Variants in DACT3 observed in about 807,000 individuals in gnomAD.
DACT3 encodes dapper homolog 3.
Under a neutral mutation model 19.6 loss-of-function variants are expected in DACT3, and 5 were observed. The observed-to-expected ratio is 0.26, with a 90% CI of 0.13 to 0.54. DACT3 has a LOEUF of 0.54. DACT3 is among the 20% of genes least tolerant of loss of function. The pLI is 0.95. For synonymous variants in DACT3, 454 were observed against 428.1 expected, an observed-to-expected ratio of 1.06 and a Z score of -0.75; for missense variants, 908 against 927.4, an observed-to-expected ratio of 0.98 and a Z score of 0.27.
rs1245826339 is a variant in DACT3, at chr19:46,648,503, G to A, written c.1869C>T (p.Leu623=). 6.2e-7 allele frequency: 1 copy of A among 1,614,024 alleles called. No homozygotes were observed. Among genetic ancestry groups the A allele is most frequent in the Non-Finnish European group, 8.5e-7 (1 of 1,179,878 alleles). The change falls in exon 4 of 4, where the codon CTC becomes CTT. Residue 623 remains leucine (L), a synonymous_variant. Coordinates refer to ENST00000391916, the MANE Select transcript of DACT3 (RefSeq NM_145056.3). The surrounding 1 kb of genome is among the most constrained non-coding windows in gnomAD (Gnocchi z 5.1). ...AAACTCACACTGTAGTCATGACCTT[G>A]AGAGAACCCGAACGGAAACGCAGTA... ...KKILRFRSGS[L]KVMTTV is the part of the protein sequence containing the mutation.
At position 46,660,903 on chromosome 19, in the gene DACT3, G is replaced by A; in HGVS notation, c.162C>T (p.Gly54=). The A allele has an allele frequency of 6.5e-7, 1 of 1,536,810 alleles. No individual in the cohort carries two copies. The highest frequency in any genetic ancestry group is 2.0e-5 in the Admixed American group (1 of 50,710). The change falls in exon 1 of 4, where the codon GGC becomes GGT. Residue 54 remains glycine, a synonymous_variant. Coordinates refer to ENST00000391916, the MANE Select transcript of DACT3 (RefSeq NM_145056.3). The surrounding 1 kb of genome is among the most constrained non-coding windows in gnomAD (Gnocchi z 4.9). ...CGTCCTCCTCGTCCTCGGCCTCGGC[G>A]CCCCCCATTCCGGGCTGGGCCAGCC... ...ALRLAQPGMG[G]AEAEDEEDAD...
At chr19:46,656,042 T>G (rs1418743550) in intron 1 of DACT3, among the ~76,000 whole-genome samples, 1 of 123,674 alleles carries the variant, frequency 8.1e-6, no homozygotes, top group East Asian at 2.7e-4. Flanking sequence ...ATATATGAAA[T>G]TTATTTATTT....
Position 46,660,543 on chromosome 19 carries a change from A to C in DACT3, c.249+273T>G. 1 of 473,806 alleles carries C rather than the reference A, an allele frequency of 2.1e-6. No homozygotes were observed. Among genetic ancestry groups the C allele is most frequent in the East Asian group, 4.0e-5 (1 of 25,296 alleles). 29.4% of individuals were successfully genotyped at this position (473,806 alleles called of 1,614,324 possible). ...GGTTTGACACATACTTGGCGCCCAC[A>C]AGGATTTTCTTTGGGGAAGGGGTGT... On this transcript the variant is annotated intron_variant, in intron 1 of 3. Transcript: ENST00000391916. This position sits in a 1 kb window ranked among gnomAD's most constrained non-coding sequence, Gnocchi z 4.9.
chr19:46,654,760 G>A (rs1019660523), intron 1 of DACT3: 1 of 985,340 alleles, frequency 1.0e-6, no homozygotes, highest in Non-Finnish European at 1.2e-6. Context: ...GGTTTGGGAG[G>A]GCAGGCACCC....
At position 46,649,786 on chromosome 19, in the gene DACT3, C is replaced by T. The variant is rs989901359; in HGVS notation, c.586G>A (p.Gly196Arg). The change falls in exon 4 of 4, where the codon GGG becomes AGG. Residue 196 changes from glycine (G) to arginine (R), a missense_variant. Physicochemically the swap from Gly to Arg is moderately radical, Grantham distance 125 (BLOSUM62 -2). Around this residue, in one of 2 missense-constraint regions of DACT3, gnomAD observed 252 missense variants for 325.6 expected, o/e 0.77. Coordinates refer to ENST00000391916, the MANE Select transcript of DACT3 (RefSeq NM_145056.3). The stretch of plus-strand genomic sequence containing the variant: ...GAGCAGGCCTCCGGGCCGGCGGACC[C>T]CCCTGCCGTCGGGTAGGGCGCTGAG... The part of the protein sequence containing the change: ...SFSAPYPTAG[G>R]SAGPEACSSA... 1 of 1,353,228 alleles carries T rather than the reference C, an allele frequency of 7.4e-7. No individual in the cohort carries two copies. Among genetic ancestry groups the T allele is most frequent in the Non-Finnish European group, 9.5e-7 (1 of 1,057,304 alleles). 83.8% of individuals were successfully genotyped at this position (1,353,228 alleles called of 1,614,324 possible).
At chr19:46,654,121 C>T in intron 1 of DACT3, 1 of 985,398 alleles carries the variant, frequency 1.0e-6, no homozygotes, top group Non-Finnish European at 1.2e-6. Context: ...AGACCACATC[C>T]TCCTTCTGCC....
rs1351383689 is a variant in DACT3, at chr19:46,660,855, C to A, written c.210G>T (p.Ala70=). The change falls in exon 1 of 4, where the codon GCG becomes GCT. Residue 70 remains alanine (A), a synonymous_variant. Transcript: ENST00000391916. This position sits in a 1 kb window ranked among gnomAD's most constrained non-coding sequence, Gnocchi z 4.9. ...GGGCCGCTGCGGCCCGGCGCGCCGC[C>A]GCCGCATCTTCATCCTCATCGGCGT... The part of the protein sequence containing the change: ...EEDADEDEDA[A]AARRAAAALE... 5 of 1,523,518 alleles carry A rather than the reference C, an allele frequency of 3.3e-6. No individual in the cohort carries two copies. Among genetic ancestry groups the A allele is most frequent in the Non-Finnish European group, 4.4e-6 (5 of 1,140,948 alleles). The allele number at this position is 1,523,518 out of a possible 1,614,324, so 94.4% of individuals were successfully genotyped here. A position where few individuals can be genotyped will look rare whatever the true frequency, so the allele number is the denominator to read the frequency against.
intron 1 of DACT3, among the ~76,000 whole-genome samples, chr19:46,659,749 T>C (rs945544046): frequency 6.6e-6 from 1 of 151,308 alleles, no homozygotes; most frequent in Admixed American, 6.6e-5. Flanking sequence ...CGGGAAGCTC[T>C]GGCCACACAC....
intron 1 of DACT3, among the ~76,000 whole-genome samples, chr19:46,657,394 C>T (rs954341914): frequency 1.4e-5 from 2 of 145,240 alleles, no homozygotes. Flanking sequence ...TGCTCTGTCG[C>T]CCAGGCTGGA....
chr19:46,660,727 C>G lies in DACT3; in HGVS notation c.249+89G>C. The G allele has an allele frequency of 7.1e-7, 1 of 1,398,820 alleles. No homozygotes were observed. Among genetic ancestry groups the G allele is most frequent in the Non-Finnish European group, 9.2e-7 (1 of 1,081,360 alleles). 86.7% of individuals were successfully genotyped at this position (1,398,820 alleles called of 1,614,324 possible). A position where few individuals can be genotyped will look rare whatever the true frequency, so the allele number is the denominator to read the frequency against. On this transcript the variant is annotated intron_variant, in intron 1 of 3. Coordinates refer to ENST00000391916, the MANE Select transcript of DACT3 (RefSeq NM_145056.3). This position sits in a 1 kb window ranked among gnomAD's most constrained non-coding sequence, Gnocchi z 4.9. ...TTTCTCACTCCCTGCCTACCCGGGTCCCCAACCCCCGCCCGGTGTCTGAGC... is the reference window on the plus strand; with the variant it reads ...TTTCTCACTCCCTGCCTACCCGGGTGCCCAACCCCCGCCCGGTGTCTGAGC...
intron 1 of DACT3, among the ~76,000 whole-genome samples, chr19:46,655,901 GTCTCTC>G (rs140521907): frequency 3.0e-5 from 4 of 131,852 alleles, no homozygotes; most frequent in South Asian, 2.6e-4. Context: ...GTGAGACCCA[GTCTCTC>G]TCTCTCTCTC....
In DACT3 at chr19:46,661,132, C is replaced by A; in HGVS notation, c.-68G>T. On this transcript the variant is annotated 5_prime_UTR_variant, in exon 1 of 4. Transcript: ENST00000391916. ...CCCCTCTCCCGGTCCCACCTCCCCG[C>A]CCCAGCAGCCTGCCCGCCCGCCCGC... is the stretch of plus-strand genomic sequence containing the variant. 7.6e-7 allele frequency: 1 copy of A among 1,320,464 alleles called. No homozygotes were observed. The highest frequency in any genetic ancestry group is 9.7e-7 in the Non-Finnish European group (1 of 1,034,450). 81.8% of individuals were successfully genotyped at this position (1,320,464 alleles called of 1,614,324 possible).
In DACT3 at chr19:46,660,844, C is replaced by T; in HGVS notation, c.221G>A (p.Arg74Gln). Residue 74 changes from arginine to glutamine, a missense_variant, in exon 1 of 4, where the codon CGG becomes CAG. Arg to Gln is a conservative substitution (Grantham distance 43). Around this residue, in one of 2 missense-constraint regions of DACT3, gnomAD observed 252 missense variants for 325.6 expected, o/e 0.77. Transcript: ENST00000391916. The surrounding 1 kb of genome is among the most constrained non-coding windows in gnomAD (Gnocchi z 4.9). ...CTGCTCCTCCAGGGCCGCTGCGGCC[C>T]GGCGCGCCGCCGCCGCATCTTCATC... ...DEDEDAAAAR[R>Q]AAAALEEQLE... 3.3e-6 allele frequency: 5 copies of T among 1,518,934 alleles called. No individual in the cohort carries two copies. The highest frequency in any genetic ancestry group is 4.4e-6 in the Non-Finnish European group (5 of 1,139,176). 94.1% of individuals were successfully genotyped at this position (1,518,934 alleles called of 1,614,324 possible).
chr19:46,648,818 C>T lies in DACT3; in HGVS notation c.1554G>A (p.Ala518=), dbSNP rs1337317303. 9.8e-6 allele frequency: 15 copies of T among 1,523,626 alleles called. No homozygotes were observed. The Admixed American group carries it at 1.5e-4, about 15-fold the overall frequency. The allele number at this position is 1,523,626 out of a possible 1,614,324, so 94.4% of individuals were successfully genotyped here. A position where few individuals can be genotyped will look rare whatever the true frequency, so the allele number is the denominator to read the frequency against. ...CAGCCGAGCACTCGGAGTCGCTGCC[C>T]GCGCAGCCGTAAAGCAGACGACGCT... is the stretch of plus-strand genomic sequence containing the variant. ...APQRRLLYGC[A]GSDSECSAGR... The change falls in exon 4 of 4, where the codon GCG becomes GCA. Residue 518 remains alanine, a synonymous_variant. Coordinates refer to ENST00000391916, the MANE Select transcript of DACT3 (RefSeq NM_145056.3). The surrounding 1 kb of genome is among the most constrained non-coding windows in gnomAD (Gnocchi z 5.1).
chr19:46,650,127 A>ATTTTTTTTTTTTTTTTTTTTTTT (rs58142251), intron 3 of DACT3: 2 of 96,098 alleles, frequency 2.1e-5, no homozygotes, highest in Non-Finnish European at 3.7e-5. Context: ...CTTACCCCCT[A>ATTTTTTTTTTTTTTTTTTTTTTT]TTTTTTTTTT....
At chr19:46,657,111 T>C (rs1057343122) in intron 1 of DACT3, among the ~76,000 whole-genome samples, 1 of 152,104 alleles carries the variant, frequency 6.6e-6, no homozygotes, top group Non-Finnish European at 1.5e-5. Context: ...GTGACAATGA[T>C]GGTGACCTCA....
intron 1 of DACT3, among the ~76,000 whole-genome samples, chr19:46,658,545 C>T (rs1024251023): frequency 1.2e-4 from 19 of 152,138 alleles, no homozygotes; most frequent in Admixed American, 1.0e-3. Context: ...CTCTCCAGCA[C>T]CTAGACGCCC....
At position 46,649,798 on chromosome 19, in the gene DACT3, G is replaced by A. The variant is rs2052964034; in HGVS notation, c.574C>T (p.Pro192Ser). The A allele has an allele frequency of 1.4e-6, 2 of 1,380,316 alleles. No individual in the cohort carries two copies. The highest frequency in any genetic ancestry group is 9.3e-7 in the Non-Finnish European group (1 of 1,071,396). 85.5% of individuals were successfully genotyped at this position (1,380,316 alleles called of 1,614,324 possible). ...GGGCCGGCGGACCCCCCTGCCGTCG[G>A]GTAGGGCGCTGAGAAGGACCGCGGC... The part of the protein sequence containing the change: ...AVPRSFSAPY[P>S]TAGGSAGPEA... The change falls in exon 4 of 4, where the codon CCG (proline) becomes TCG (serine). Residue 192 changes from proline (P) to serine (S), a missense_variant. This residue lies in a region of DACT3 where 252 missense variants were observed against 325.6 expected (regional missense o/e 0.77). Transcript: ENST00000391916.
rs1211028232 is a variant in DACT3 at position 46,660,927 on chromosome 19, C to T, written c.138G>A (p.Arg46=). 1 of 1,539,532 alleles carries T rather than the reference C, an allele frequency of 6.5e-7. No individual in the cohort carries two copies. The highest frequency in any genetic ancestry group is 1.2e-5 in the South Asian group (1 of 83,646). The change falls in exon 1 of 4, where the codon CGG becomes CGA. Residue 46 remains arginine, a synonymous_variant. Transcript: ENST00000391916. The surrounding 1 kb of genome is among the most constrained non-coding windows in gnomAD (Gnocchi z 4.9). ...RQEYRVQQAL[R]LAQPGMGGAE... Reference sequence around the variant, plus strand: ...CGCCCCCCATTCCGGGCTGGGCCAGCCGCAGCGCCTGCTGCACGCGGTACT... The same window carrying T: ...CGCCCCCCATTCCGGGCTGGGCCAGTCGCAGCGCCTGCTGCACGCGGTACT...
Sources: gnomAD v4.1 joint callset for allele counts (sites outside exome capture counted in the v4.1 genomes callset) on GRCh38, gnomAD v4.1.1 for gene constraint, gnomAD v4.1.1 regional missense constraint, Gnocchi (gnomAD v3.1) non-coding constraint, MANE v1.5 for transcripts, NCBI Gene and HGNC (gene_info 2026-07-23, HGNC 2026-07-21) for gene names.